The following BMPR1B variants were observed in gnomAD, a reference collection of about 807,000 sequenced individuals.
The protein encoded by BMPR1B is bone morphogenetic protein receptor type-1B.
In BMPR1B, 12 loss-of-function variants were observed where a neutral mutation model predicts 59.1. That is an observed-to-expected ratio of 0.20 (90% CI 0.13 to 0.33). The LOEUF is 0.33. Ranked by LOEUF, BMPR1B falls within the 10% of genes least tolerant of loss-of-function variation. The pLI, the probability that BMPR1B is intolerant of heterozygous loss-of-function variation, is 1.00. For synonymous variants in BMPR1B, 237 were observed against 207.3 expected (o/e 1.14, Z -1.23); for missense variants, 550 against 610.9 (o/e 0.90, Z 1.05).
intron 1 of BMPR1B, among the ~76,000 whole-genome samples, chr4:94,819,644 C>T (rs965726086): frequency 6.6e-5 from 10 of 152,148 alleles, no homozygotes; most frequent in African/African-American, 2.4e-4. Flanking sequence ...GATTTGAGAC[C>T]CTTATTCAGT....
chr4:94,842,547 A>T (rs1725130397), intron 1 of BMPR1B, among the ~76,000 whole-genome samples: 2 of 152,256 alleles, frequency 1.3e-5, no homozygotes, highest in South Asian at 4.1e-4. Flanking sequence ...CATAGTAAAA[A>T]CATCTGAGGA....
At chr4:95,017,186 C>T (rs1180874036) in intron 3 of BMPR1B, among the ~76,000 whole-genome samples, 1 of 152,238 alleles carries the variant, frequency 6.6e-6, no homozygotes, top group Admixed American at 6.5e-5. Context: ...TTTCACTCTT[C>T]AGCAAGCCAT....
At chr4:95,036,848 G>A (rs1297738609) in intron 3 of BMPR1B, among the ~76,000 whole-genome samples, 1 of 151,800 alleles carries the variant, frequency 6.6e-6, no homozygotes, top group African/African-American at 2.4e-5. Context: ...AGTGTACGAG[G>A]GTTCCCTTTT....
intron 6 of BMPR1B, among the ~76,000 whole-genome samples, chr4:95,121,548 A>G (rs1246081051): frequency 2.6e-5 from 4 of 152,306 alleles, no homozygotes; most frequent in Non-Finnish European, 4.4e-5. Context: ...ACACACAAAT[A>G]AGTAAACAAA....
At chr4:95,142,992 A>G (rs1279938109) in intron 10 of BMPR1B, among the ~76,000 whole-genome samples, 1 of 151,872 alleles carries the variant, frequency 6.6e-6, no homozygotes, top group Non-Finnish European at 1.5e-5. Flanking sequence ...GCCTGCCCTC[A>G]TTTAATGCAT....
intron 1 of BMPR1B, among the ~76,000 whole-genome samples, chr4:94,794,117 G>A (rs1320768828): frequency 1.4e-5 from 2 of 147,682 alleles, no homozygotes; most frequent in East Asian, 3.9e-4. Flanking sequence ...GAATGGTAAT[G>A]CCTAGGTTTT....
chr4:95,006,455 G>C (rs1206783300), intron 3 of BMPR1B, among the ~76,000 whole-genome samples: 3 of 151,170 alleles, frequency 2.0e-5, no homozygotes, highest in African/African-American at 7.3e-5. Flanking sequence ...TAAAGGTAAG[G>C]AAATGGAAGT....
chr4:95,019,862 G>A (rs753010401), intron 3 of BMPR1B, among the ~76,000 whole-genome samples: 16 of 152,126 alleles, frequency 1.1e-4, no homozygotes, highest in Non-Finnish European at 1.2e-4. Context: ...AAAATAAATC[G>A]TCCTCAAGTG....
intron 1 of BMPR1B, among the ~76,000 whole-genome samples, chr4:94,841,435 C>A (rs1481947152): frequency 6.6e-6 from 1 of 152,086 alleles, no homozygotes; most frequent in African/African-American, 2.4e-5. Context: ...GTAGGACCCT[C>A]CGAGCCAGGT....
In BMPR1B at chr4:95,152,925, G is replaced by A. The variant is rs986419896; in HGVS notation, c.1383+152G>A. On this transcript the variant is annotated intron_variant, in intron 12 of 12. Transcript: ENST00000515059. ...TGCAGTAATTTATATGAAGATAAGT[G>A]TAGTATGTTAAATTACTTGTTCTAC... The A allele has an allele frequency of 5.8e-6, 6 of 1,033,410 alleles. No homozygotes were observed. The African/African-American group carries it at 6.5e-5, about 11-fold the overall frequency. 64.0% of individuals were successfully genotyped at this position (1,033,410 alleles called of 1,614,324 possible).
intron 3 of BMPR1B, among the ~76,000 whole-genome samples, chr4:95,081,332 A>C (rs1729123624): frequency 6.6e-6 from 1 of 152,176 alleles, no homozygotes; most frequent in Non-Finnish European, 1.5e-5. Context: ...TCATTAAACA[A>C]AATTTTTACT....
chr4:95,002,430 G>A (rs1354971225), intron 3 of BMPR1B, among the ~76,000 whole-genome samples: 1 of 152,164 alleles, frequency 6.6e-6, no homozygotes, highest in Non-Finnish European at 1.5e-5. Context: ...GAATAGTGCT[G>A]TGATGAACAT....
At chr4:95,135,603 T>G (rs2149307759) in intron 10 of BMPR1B, among the ~76,000 whole-genome samples, 1 of 152,312 alleles carries the variant, frequency 6.6e-6, no homozygotes, top group South Asian at 2.1e-4. Context: ...GATTCCTAGG[T>G]ATTTTATTCT....
intron 1 of BMPR1B, among the ~76,000 whole-genome samples, chr4:94,841,863 T>A (rs1174000435): frequency 6.6e-6 from 1 of 152,250 alleles, no homozygotes; most frequent in Non-Finnish European, 1.5e-5. Context: ...TGGTTTTCAG[T>A]AATATTTCTT....
In BMPR1B at chr4:95,005,364, A is replaced by G. The variant is rs151168268; in HGVS notation, c.-18+9230A>G. 6.6e-5 allele frequency among the ~76,000 whole-genome samples: 10 copies of G among 152,314 alleles called. No homozygotes were observed. The East Asian group carries it at 1.9e-3, about 29-fold the overall frequency. ...GGTATTAGAGCATACCTGAGATCAA[A>G]TACTGGTTTAGAAATACCATAAGGC... On this transcript the variant is annotated intron_variant, in intron 3 of 12. Coordinates refer to ENST00000515059, the MANE Select transcript of BMPR1B (RefSeq NM_001203.3).
intron 2 of BMPR1B, among the ~76,000 whole-genome samples, chr4:94,917,055 G>A (rs1172744215): frequency 2.0e-5 from 3 of 152,258 alleles, no homozygotes; most frequent in African/African-American, 7.2e-5. Context: ...GTGGTGTTAA[G>A]CCTGTAGGTG....
intron 3 of BMPR1B, among the ~76,000 whole-genome samples, chr4:95,062,265 A>G (rs1197687751): frequency 6.6e-6 from 1 of 152,234 alleles, no homozygotes; most frequent in Non-Finnish European, 1.5e-5. Flanking sequence ...TCAGTGTATG[A>G]AAAAAGCTCA....
At chr4:94,867,802 G>C (rs1454795215) in intron 1 of BMPR1B, among the ~76,000 whole-genome samples, 1 of 152,086 alleles carries the variant, frequency 6.6e-6, no homozygotes, top group Admixed American at 6.6e-5. Context: ...GTTTATTCTT[G>C]TGTAATTACT....
At chr4:95,036,397 A>G (rs1413235466) in intron 3 of BMPR1B, among the ~76,000 whole-genome samples, 4 of 152,062 alleles carry the variant, frequency 2.6e-5, no homozygotes, top group East Asian at 3.8e-4. Flanking sequence ...CAAACATCCT[A>G]TACCCTTTTT....
Sources: allele counts gnomAD v4.1 joint callset (sites outside exome capture counted in the v4.1 genomes callset), GRCh38; gene constraint gnomAD v4.1.1; transcripts MANE v1.5; gene names NCBI Gene and HGNC (gene_info 2026-07-23, HGNC 2026-07-21).